CALM2: variants seen among roughly 807,000 people sequenced by gnomAD.
CALM2 encodes the protein calmodulin-2.
CALM2 carries 2 observed loss-of-function variants against 19.8 expected under a neutral mutation model. The observed-to-expected ratio is 0.10, with a 90% CI of 0.04 to 0.32. The LOEUF (loss-of-function observed/expected upper bound fraction) is 0.32, where lower values mean the gene tolerates loss of function less well. CALM2 is among the 10% of genes least tolerant of loss of function. The pLI, the probability that CALM2 is intolerant of heterozygous loss-of-function variation, is 1.00. For missense variants in CALM2, 38 were observed against 178.7 expected, an observed-to-expected ratio of 0.21 and a Z score of 4.49; for synonymous variants, 51 against 52.1, an observed-to-expected ratio of 0.98 and a Z score of 0.09.
chr2:47,168,073 C>T (rs1666546875), intron 2 of CALM2, among the ~76,000 whole-genome samples: 1 of 152,062 alleles, frequency 6.6e-6, no homozygotes, highest in Admixed American at 6.5e-5. Flanking sequence ...TTTTGTGTTA[C>T]ACACTCATTG....
chr2:47,160,158 C>G lies in CALM2; in HGVS notation c.*618G>C, dbSNP rs1687112366. 6.6e-6 allele frequency: 1 copy of G among 152,514 alleles called. No homozygotes were observed. The highest frequency in any genetic ancestry group is 6.6e-5 in the Admixed American group (1 of 15,266). 9.4% of individuals were successfully genotyped at this position (152,514 alleles called of 1,614,324 possible). A position where few individuals can be genotyped will look rare whatever the true frequency, so the allele number is the denominator to read the frequency against. On this transcript the variant is annotated 3_prime_UTR_variant, in exon 6 of 6. Coordinates refer to ENST00000272298, the MANE Select transcript of CALM2 (RefSeq NM_001743.6). The stretch of plus-strand genomic sequence containing the variant: ...ACAGTTAAATGACTCAGATGCAGAG[C>G]AACCATTGGGTAAATTGTAATTTTT...
chr2:47,175,601 G>A (rs1262922157), intron 1 of CALM2, among the ~76,000 whole-genome samples: 2 of 152,156 alleles, frequency 1.3e-5, no homozygotes, highest in East Asian at 3.9e-4. Context: ...CATCCGGCCT[G>A]GGTGGTGGAA....
chr2:47,174,124 G>A (rs1283268997), intron 1 of CALM2: 1 of 152,062 alleles, frequency 6.6e-6, no homozygotes, highest in East Asian at 1.9e-4. Flanking sequence ...TAATCACCCT[G>A]CACTCAAAGT....
chr2:47,175,999 C>G (rs920033403), intron 1 of CALM2, among the ~76,000 whole-genome samples: 18 of 152,102 alleles, frequency 1.2e-4, no homozygotes, highest in Non-Finnish European at 1.5e-5. Flanking sequence ...CGGCCGCAAG[C>G]GGACAAAGGC....
At chr2:47,163,537 A>G (rs191512862) in intron 2 of CALM2, 72 of 152,110 alleles carry the variant, frequency 4.7e-4, no homozygotes, top group African/African-American at 1.6e-3. Context: ...GGATCAAGCA[A>G]TTCTCCTGCC....
intron 4 of CALM2, 148 bp from the exon 5 acceptor site, chr2:47,162,006 T>C (rs1687170999): frequency 2.9e-6 from 2 of 701,722 alleles, no homozygotes; most frequent in Non-Finnish European, 4.7e-6. Flanking sequence ...CCTACAAATG[T>C]CATTAAGAGC....
Position 47,170,686 on chromosome 2 carries a change from A to G in CALM2, c.34+48T>C, listed in dbSNP as rs756581090. On this transcript the variant is annotated intron_variant, in intron 2 of 5. Transcript: ENST00000272298. ...CTCTTATTCTGACGTTGGCTATTCA[A>G]TTTATAATAAGAATCTAATGGGTAC... 5 of 1,472,798 alleles carry G rather than the reference A, an allele frequency of 3.4e-6. No individual in the cohort carries two copies. In the South Asian group the frequency reaches 5.7e-5, roughly 17 times the overall value. 91.2% of individuals were successfully genotyped at this position (1,472,798 alleles called of 1,614,324 possible). A position where few individuals can be genotyped will look rare whatever the true frequency, so the allele number is the denominator to read the frequency against.
rs374951076 is a variant in CALM2, at chr2:47,164,318, G to A, written c.35-1656C>T. On this transcript the variant is annotated intron_variant, in intron 2 of 5. Transcript: ENST00000272298. Reference sequence around the variant, plus strand: ...ACACACACAAGCTGGGTGTGGCGGCGTGTGCCTGTAGTCCCCCGTCTCTAC... The same window carrying A: ...ACACACACAAGCTGGGTGTGGCGGCATGTGCCTGTAGTCCCCCGTCTCTAC... Among the ~76,000 whole-genome samples the A allele has an allele frequency of 6.0e-4, 86 of 142,358 alleles. 1 individual carries two copies. In the Middle Eastern group the frequency reaches 0.011, roughly 19 times the overall value. The allele number at this position is 142,358 out of a possible 152,430, so 93.4% of individuals were successfully genotyped here. A position where few individuals can be genotyped will look rare whatever the true frequency, so the allele number is the denominator to read the frequency against.
intron 1 of CALM2, among the ~76,000 whole-genome samples, chr2:47,175,774 G>A (rs1018285361): frequency 1.3e-5 from 2 of 150,088 alleles, no homozygotes; most frequent in African/African-American, 2.4e-5. Flanking sequence ...AGCTCGAGCG[G>A]GGCCGAGCGG....
rs909749244 is a variant in CALM2 at position 47,160,170 on chromosome 2, A to T, written c.*606T>A. 6.6e-6 allele frequency: 1 copy of T among 152,642 alleles called. No homozygotes were observed. The highest frequency in any genetic ancestry group is 2.4e-5 in the African/African-American group (1 of 41,448). 9.5% of individuals were successfully genotyped at this position (152,642 alleles called of 1,614,324 possible). A position where few individuals can be genotyped will look rare whatever the true frequency, so the allele number is the denominator to read the frequency against. On this transcript the variant is annotated 3_prime_UTR_variant, in exon 6 of 6. Transcript: ENST00000272298. ...CTCAGATGCAGAGCAACCATTGGGT[A>T]AATTGTAATTTTTTTATTGGAAAAC...
At chr2:47,176,809 C>T (rs902823881), upstream of CALM2, 9 of 985,318 alleles carry the variant, frequency 9.1e-6, no homozygotes, top group South Asian at 4.7e-5. Context: ...ATGCGTCCCC[C>T]GTTGGTCGTT....
chr2:47,172,230 T>G (rs1666693316), intron 1 of CALM2: 1 of 312,610 alleles, frequency 3.2e-6, no homozygotes, highest in Non-Finnish European at 6.4e-6. Context: ...TTATTGCATT[T>G]TGCAGGACTT....
At chr2:47,169,445 G>T (rs1666598443) in intron 2 of CALM2, among the ~76,000 whole-genome samples, 2 of 152,060 alleles carry the variant, frequency 1.3e-5, no homozygotes, top group East Asian at 3.9e-4. Flanking sequence ...CCAGCCATCA[G>T]GCCCAGTCTA....
intron 1 of CALM2, chr2:47,173,387 G>A (rs1666738151): frequency 6.6e-6 from 1 of 152,138 alleles, no homozygotes; most frequent in South Asian, 2.1e-4. Context: ...CCTTATTTCT[G>A]TAGCTATTGA....
intron 2 of CALM2, among the ~76,000 whole-genome samples, chr2:47,169,055 T>C (rs747001656): frequency 2.0e-5 from 3 of 151,696 alleles, no homozygotes; most frequent in Non-Finnish European, 2.9e-5. Context: ...ATTACAGGCG[T>C]GAGCCACTGC....
In CALM2 at chr2:47,160,510, T is replaced by G. The variant is rs1040842601; in HGVS notation, c.*266A>C. The G allele has an allele frequency of 2.7e-5, 9 of 331,536 alleles. No homozygotes were observed. Among genetic ancestry groups the G allele is most frequent in the Non-Finnish European group, 4.4e-5 (8 of 180,414 alleles). The allele number at this position is 331,536 out of a possible 1,614,324, so 20.5% of individuals were successfully genotyped here. On this transcript the variant is annotated 3_prime_UTR_variant, in exon 6 of 6. Transcript: ENST00000272298. ...CCAGATGTTCCCTCATTTGACCAAC[T>G]CCATCTAAGTTTAGATGTGCAGAAG...
At chr2:47,173,769 T>G (rs996438766) in intron 1 of CALM2, 7 of 152,232 alleles carry the variant, frequency 4.6e-5, no homozygotes, top group African/African-American at 1.7e-4. Flanking sequence ...CAACAAGGAT[T>G]CCTATATGAA....
chr2:47,169,280 G>A (rs1461960147), intron 2 of CALM2, among the ~76,000 whole-genome samples: 1 of 152,076 alleles, frequency 6.6e-6, no homozygotes, highest in Non-Finnish European at 1.5e-5. Context: ...ATTTGGGAAG[G>A]AGACAGTATA....
intron 4 of CALM2, among the ~76,000 whole-genome samples, 189 bp from the exon 5 acceptor site, chr2:47,162,047 T>C (rs1172458636): frequency 6.6e-6 from 1 of 152,026 alleles, no homozygotes; most frequent in Non-Finnish European, 1.5e-5. Context: ...GAAATCATTA[T>C]TTCCTAGTCC....
Sources: allele counts gnomAD v4.1 joint callset (sites outside exome capture counted in the v4.1 genomes callset), GRCh38; gene constraint gnomAD v4.1.1; transcripts MANE v1.5; gene names NCBI Gene and HGNC (gene_info 2026-07-23, HGNC 2026-07-21).